Variants in TRIM16 observed in about 807,000 individuals in gnomAD.
TRIM16 encodes tripartite motif-containing protein 16.
A neutral mutation model predicts 50.4 loss-of-function variants in TRIM16; 33 were observed. That is an observed-to-expected ratio of 0.65 (90% CI 0.50 to 0.88). TRIM16 has a LOEUF of 0.88. Among genes scored for constraint, TRIM16 ranks in the 40% least tolerant of loss-of-function variants. The pLI is 0.00. For synonymous variants in TRIM16, 229 were observed against 270.7 expected, an observed-to-expected ratio of 0.85 and a Z score of 1.51; for missense variants, 581 against 686.8, an observed-to-expected ratio of 0.85 and a Z score of 1.72.
At chr17:15,637,898 C>T (rs1380006100) in intron 8 of TRIM16, among the ~76,000 whole-genome samples, 2 of 140,000 alleles carry the variant, frequency 1.4e-5, no homozygotes, top group African/African-American at 2.7e-5. Flanking sequence ...TTTTGTTCTG[C>T]ACTAAGAAAA....
At position 15,651,621 on chromosome 17, in the gene TRIM16, T is replaced by C. The variant is rs769172631; in HGVS notation, c.-12A>G. Reference sequence around the variant, plus strand: ...TCCAACTCAGCCATCTGGGAGGCTCTGCTCCTAGGCTGTCTTTCTTCTGTC... The same window carrying C: ...TCCAACTCAGCCATCTGGGAGGCTCCGCTCCTAGGCTGTCTTTCTTCTGTC... On this transcript the variant is annotated 5_prime_UTR_variant, in exon 7 of 12. Transcript: ENST00000649191. The C allele has an allele frequency of 3.1e-6, 5 of 1,611,392 alleles. No homozygotes were observed. The highest frequency in any genetic ancestry group is 2.5e-6 in the Non-Finnish European group (3 of 1,178,848).
At chr17:15,652,394 C>T (rs1454287379) in intron 6 of TRIM16, among the ~76,000 whole-genome samples, 6 of 143,746 alleles carry the variant, frequency 4.2e-5, no homozygotes, top group Admixed American at 2.1e-4. Flanking sequence ...CCCCTGATCT[C>T]GTGATCCACC....
At chr17:15,632,896 G>C in intron 9 of TRIM16, 1 of 513,410 alleles carries the variant, frequency 1.9e-6, no homozygotes, top group Non-Finnish European at 3.2e-6. Flanking sequence ...AAAAAAACAA[G>C]TGAGAACATG....
At chr17:15,644,908 C>T (rs55821658) in intron 7 of TRIM16, among the ~76,000 whole-genome samples, 17,531 of 151,330 alleles carry the variant, frequency 0.12, 1,751 homozygotes, top group African/African-American at 0.28. Flanking sequence ...CTCCACCTCC[C>T]GGGTTCATGC....
intron 3 of TRIM16, among the ~76,000 whole-genome samples, chr17:15,682,552 T>C (rs1012403088): frequency 6.6e-6 from 1 of 152,236 alleles, no homozygotes; most frequent in African/African-American, 2.4e-5. Context: ...CAGTCTCTAA[T>C]TCTGCCAGAA....
intron 4 of TRIM16, among the ~76,000 whole-genome samples, chr17:15,679,042 CT>C (rs531369294): frequency 6.6e-6 from 1 of 151,826 alleles, no homozygotes; most frequent in African/African-American, 2.4e-5. Context: ...CGCCCAGCTA[CT>C]TTTTTTTGTA....
chr17:15,673,667 C>T (rs1988807152), intron 6 of TRIM16, among the ~76,000 whole-genome samples: 1 of 151,544 alleles, frequency 6.6e-6, no homozygotes, highest in South Asian at 2.1e-4. Context: ...ACTCTAACAT[C>T]AATTTAAGCT....
chr17:15,651,871 C>A lies in TRIM16; in HGVS notation c.-262G>T, dbSNP rs1195359471. ...CTCAGGCTGCCTCCCCAGGTCCAGC[C>A]CTGAAACTTCTATTCTTATGTGAAT... On this transcript the variant is annotated 5_prime_UTR_variant, in exon 7 of 12. Transcript: ENST00000649191. The A allele has an allele frequency of 7.1e-7, 1 of 1,405,098 alleles. No individual in the cohort carries two copies. The highest frequency in any genetic ancestry group is 1.4e-5 in the African/African-American group (1 of 69,016). 87.0% of individuals were successfully genotyped at this position (1,405,098 alleles called of 1,614,324 possible).
chr17:15,651,653 C>G lies in TRIM16; in HGVS notation c.-44G>C, dbSNP rs1294288255. On this transcript the variant is annotated 5_prime_UTR_variant, in exon 7 of 12. Coordinates refer to ENST00000649191, the MANE Select transcript of TRIM16 (RefSeq NM_001348119.1). ...AGGCTGTCTTTCTTCTGTCCCTTGG[C>G]CCAGGATCTGTGCAGCCCAAGTCAG... 5.7e-6 allele frequency: 9 copies of G among 1,589,932 alleles called. No homozygotes were observed. The highest frequency in any genetic ancestry group is 7.7e-6 in the Non-Finnish European group (9 of 1,168,954).
chr17:15,667,976 A>G (rs553016161), intron 6 of TRIM16, among the ~76,000 whole-genome samples: 2 of 152,002 alleles, frequency 1.3e-5, no homozygotes, highest in East Asian at 3.9e-4. Flanking sequence ...CTATCTTATA[A>G]CCCTTGAGTG....
intron 10 of TRIM16, 69 bp downstream of exon 10, chr17:15,632,440 C>G (rs1986477080): frequency 7.4e-6 from 11 of 1,482,252 alleles, no homozygotes; most frequent in Middle Eastern, 1.8e-4. Flanking sequence ...CCCTGACTCT[C>G]TCTCACCTTC....
chr17:15,628,452 C>A lies in TRIM16; in HGVS notation c.*163G>T. On this transcript the variant is annotated 3_prime_UTR_variant, in exon 12 of 12. Coordinates refer to ENST00000649191, the MANE Select transcript of TRIM16 (RefSeq NM_001348119.1). ...TACTGCAAACACATAGAGAACAGCA[C>A]CATATGGAGCAAAAGAGAGCAGCTG... is the stretch of plus-strand genomic sequence containing the variant. 1 of 632,034 alleles carries A rather than the reference C, an allele frequency of 1.6e-6. No individual in the cohort carries two copies. The highest frequency in any genetic ancestry group is 2.7e-6 in the Non-Finnish European group (1 of 369,598). 39.2% of individuals were successfully genotyped at this position (632,034 alleles called of 1,614,324 possible).
intron 6 of TRIM16, among the ~76,000 whole-genome samples, chr17:15,675,810 T>A (rs1316375191): frequency 6.8e-6 from 1 of 148,072 alleles, no homozygotes; most frequent in East Asian, 1.9e-4. Context: ...TATATACATA[T>A]ATATTTGCAT....
chr17:15,658,845 T>A (rs770940281), intron 6 of TRIM16: 19 of 985,348 alleles, frequency 1.9e-5, no homozygotes, highest in Non-Finnish European at 2.3e-5. Flanking sequence ...GGGGTCACTA[T>A]CAGCAAACTG....
intron 7 of TRIM16, among the ~76,000 whole-genome samples, chr17:15,648,067 T>C (rs1173017411): frequency 1.3e-5 from 2 of 150,326 alleles, no homozygotes; most frequent in Admixed American, 6.6e-5. Context: ...CTATTAAATA[T>C]ACAAAAAAAT....
chr17:15,642,140 G>A lies in TRIM16; in HGVS notation c.615+581C>T, dbSNP rs747819079. On this transcript the variant is annotated intron_variant, in intron 8 of 11. Transcript: ENST00000649191. ...ATTACAGGTGTGAGCCACTGTGCCCGGCCTGTTTTGCATTCTCTTCTGAGT... is the reference window on the plus strand; with the variant it reads ...ATTACAGGTGTGAGCCACTGTGCCCAGCCTGTTTTGCATTCTCTTCTGAGT... 8.1e-5 allele frequency among the ~76,000 whole-genome samples: 12 copies of A among 148,998 alleles called. 1 individual carries two copies. Among genetic ancestry groups the A allele is most frequent in the Non-Finnish European group, 1.5e-4 (10 of 67,188 alleles).
At chr17:15,676,791 A>G (rs2151426806) in intron 6 of TRIM16, among the ~76,000 whole-genome samples, 1 of 152,280 alleles carries the variant, frequency 6.6e-6, no homozygotes, top group East Asian at 1.9e-4. Flanking sequence ...ACAACAAATT[A>G]TGTCAATTTT....
chr17:15,639,961 A>G (rs1987043778), intron 8 of TRIM16, among the ~76,000 whole-genome samples: 1 of 149,256 alleles, frequency 6.7e-6, no homozygotes, highest in African/African-American at 2.5e-5. Flanking sequence ...CAATAATCAT[A>G]AAAACAACCA....
At chr17:15,655,701 A>G (rs979275587) in intron 6 of TRIM16, among the ~76,000 whole-genome samples, 1 of 151,838 alleles carries the variant, frequency 6.6e-6, no homozygotes, top group Non-Finnish European at 1.5e-5. Context: ...CAGCCTCCCG[A>G]GTAGCTGGGA....
Sources: allele counts gnomAD v4.1 joint callset (sites outside exome capture counted in the v4.1 genomes callset), GRCh38; gene constraint gnomAD v4.1.1; transcripts MANE v1.5; gene names NCBI Gene and HGNC (gene_info 2026-07-23, HGNC 2026-07-21).